Variants in ARB2A observed in about 807,000 individuals in gnomAD.
The protein encoded by ARB2A is cotranscriptional regulator ARB2A.
the ARB2A span, among the ~76,000 whole-genome samples, chr5:93,898,231 T>C: frequency 6.6e-6 from 1 of 152,038 alleles, no homozygotes; most frequent in South Asian, 2.1e-4. Flanking sequence ...TTCTTCATCA[T>C]TGTCTTTTAT....
chr5:93,822,613 T>A, the ARB2A span, among the ~76,000 whole-genome samples: 1 of 152,024 alleles, frequency 6.6e-6, no homozygotes, highest in African/African-American at 2.4e-5. Flanking sequence ...ATATAATCTA[T>A]ATCTATGGAG....
the ARB2A span, among the ~76,000 whole-genome samples, chr5:94,000,397 A>G: frequency 2.0e-5 from 3 of 151,978 alleles, no homozygotes; most frequent in African/African-American, 7.2e-5. Flanking sequence ...TTTAATTTGC[A>G]TTTCCCTGAT....
the ARB2A span, among the ~76,000 whole-genome samples, chr5:93,748,207 C>T: frequency 6.6e-6 from 1 of 151,572 alleles, no homozygotes; most frequent in African/African-American, 2.4e-5. Flanking sequence ...GAAAGGAAGA[C>T]AATATATTAA....
chr5:93,807,794 A>T, the ARB2A span, among the ~76,000 whole-genome samples: 7 of 151,982 alleles, frequency 4.6e-5, no homozygotes, highest in Admixed American at 2.6e-4. Flanking sequence ...CAGTGCACTC[A>T]AACTGCAGAA....
At chr5:93,838,399 T>C in the ARB2A span, among the ~76,000 whole-genome samples, 13 of 152,208 alleles carry the variant, frequency 8.5e-5, no homozygotes, top group South Asian at 2.3e-3. Flanking sequence ...TTGGTTACTA[T>C]AGCCTTGCAG....
chr5:94,086,477 C>A, the ARB2A span, among the ~76,000 whole-genome samples: 1 of 151,746 alleles, frequency 6.6e-6, no homozygotes, highest in Non-Finnish European at 1.5e-5. Flanking sequence ...CCAGTCATAT[C>A]AAAGTTTAGC....
At chr5:93,805,872 AGCGAAAGCAC>A in the ARB2A span, 1 of 985,012 alleles carries the variant, frequency 1.0e-6, no homozygotes, top group Non-Finnish European at 1.2e-6. Flanking sequence ...CACATAGCTA[AGCGAAAGCAC>A]TTCCCAGCAT....
chr5:94,065,359 T>C, the ARB2A span, among the ~76,000 whole-genome samples: 1 of 151,968 alleles, frequency 6.6e-6, no homozygotes, highest in Non-Finnish European at 1.5e-5. Context: ...CCAAAAAATA[T>C]ACAAATTAGT....
chr5:93,916,402 G>A, the ARB2A span, among the ~76,000 whole-genome samples: 1 of 152,086 alleles, frequency 6.6e-6, no homozygotes, highest in African/African-American at 2.4e-5. Context: ...AGTATGAAAT[G>A]TATATTTACA....
the ARB2A span, among the ~76,000 whole-genome samples, chr5:93,810,373 G>T: frequency 6.6e-6 from 1 of 151,774 alleles, no homozygotes; most frequent in African/African-American, 2.4e-5. Context: ...TTAAACTTAG[G>T]TTGTACAATG....
the ARB2A span, among the ~76,000 whole-genome samples, chr5:93,760,067 T>C: frequency 6.6e-6 from 1 of 152,188 alleles, no homozygotes; most frequent in Non-Finnish European, 1.5e-5. Flanking sequence ...AAAAGATTAA[T>C]GTACACAAAT....
the ARB2A span, among the ~76,000 whole-genome samples, chr5:93,939,847 G>A: frequency 8.0e-4 from 121 of 152,110 alleles, no homozygotes; most frequent in Non-Finnish European, 1.4e-3. Flanking sequence ...GTAACAAAAT[G>A]TAATAGTCTG....
At chr5:93,869,724 T>TAA in the ARB2A span, among the ~76,000 whole-genome samples, 1 of 152,186 alleles carries the variant, frequency 6.6e-6, no homozygotes, top group South Asian at 2.1e-4. Context: ...CCCCCACCCT[T>TAA]AAGAGGGTTC....
the ARB2A span, among the ~76,000 whole-genome samples, chr5:93,905,689 T>C: frequency 1.3e-5 from 2 of 151,518 alleles, no homozygotes; most frequent in Admixed American, 1.3e-4. Flanking sequence ...ACTCAGTTAT[T>C]ATGTTAACAT....
the ARB2A span, among the ~76,000 whole-genome samples, chr5:93,712,879 T>A: frequency 1.3e-5 from 2 of 151,974 alleles, no homozygotes; most frequent in African/African-American, 4.8e-5. Context: ...TGGAACAGAA[T>A]AGAGAACCCA....
chr5:93,913,892 A>G, the ARB2A span, among the ~76,000 whole-genome samples: 1 of 151,988 alleles, frequency 6.6e-6, no homozygotes, highest in African/African-American at 2.4e-5. Flanking sequence ...AATCACACCA[A>G]TTTAATGCAA....
At chr5:94,076,474 A>T in the ARB2A span, among the ~76,000 whole-genome samples, 1 of 152,232 alleles carries the variant, frequency 6.6e-6, no homozygotes, top group African/African-American at 2.4e-5. Flanking sequence ...TATGGTGAGT[A>T]AAACAAATAT....
the ARB2A span, among the ~76,000 whole-genome samples, chr5:93,621,467 G>C: frequency 4.6e-5 from 7 of 152,334 alleles, no homozygotes; most frequent in East Asian, 1.4e-3. Flanking sequence ...GCCCGGATCT[G>C]TCCCGGGGTC....
At chr5:93,825,583 T>C in the ARB2A span, among the ~76,000 whole-genome samples, 1 of 152,198 alleles carries the variant, frequency 6.6e-6, no homozygotes, top group Non-Finnish European at 1.5e-5. Flanking sequence ...CTGTATTTCT[T>C]AGTGCCTTGA....
Sources: gnomAD v4.1 joint callset for allele counts (sites outside exome capture counted in the v4.1 genomes callset) on GRCh38, gnomAD v4.1.1 for gene constraint, MANE v1.5 for transcripts, NCBI Gene and HGNC (gene_info 2026-07-23, HGNC 2026-07-21) for gene names.